Variants in SLC25A14 observed in about 807,000 individuals in gnomAD.
SLC25A14 encodes brain mitochondrial carrier protein 1.
A neutral mutation model predicts 28.1 loss-of-function variants in SLC25A14; 8 were observed. The ratio of observed to expected loss-of-function variants is 0.28; its 90% CI spans 0.17 to 0.51. SLC25A14 has a LOEUF of 0.51. SLC25A14 is among the 20% of genes least tolerant of loss of function. The pLI is 0.97. For missense variants in SLC25A14, 135 were observed against 263.8 expected (o/e 0.51, Z 3.38); for synonymous variants, 74 against 90.6 (o/e 0.82, Z 1.04).
chrX:130,344,858 T>C (rs2033380788), intron 2 of SLC25A14, among the ~76,000 whole-genome samples: 2 of 111,506 alleles, frequency 1.8e-5, no homozygotes, highest in Admixed American at 9.5e-5. Flanking sequence ...TCTAGTTGAA[T>C]GTCAAAGTTG....
chrX:130,365,480 T>C, intron 8 of SLC25A14, 61 bp from the exon 9 acceptor site: 2 of 1,199,114 alleles, frequency 1.7e-6, no homozygotes, highest in Non-Finnish European at 2.3e-6. Context: ...TTTGGCCTAA[T>C]TTCTGTTTAA....
chrX:130,363,618 GCCAAATT>G (rs1213309581), intron 7 of SLC25A14, among the ~76,000 whole-genome samples: 1 of 112,409 alleles, frequency 8.9e-6, no homozygotes, highest in African/African-American at 3.2e-5. Flanking sequence ...TTGAGGAAGT[GCCAAATT>G]GTTTTCCACA....
intron 9 of SLC25A14, among the ~76,000 whole-genome samples, chrX:130,368,717 T>C (rs1426151371): frequency 8.9e-6 from 1 of 112,264 alleles, no homozygotes. Flanking sequence ...AGATATTATC[T>C]TTCCCATTTT....
At chrX:130,366,594 C>T (rs2034123293) in intron 9 of SLC25A14, among the ~76,000 whole-genome samples, 2 of 112,471 alleles carry the variant, frequency 1.8e-5, no homozygotes, top group South Asian at 3.7e-4. Flanking sequence ...CTCAAACTGA[C>T]ATTTACCTCT....
At chrX:130,349,157 G>T in intron 4 of SLC25A14, 94 bp from the exon 5 acceptor site, 1 of 382,192 alleles carries the variant, frequency 2.6e-6, no homozygotes, top group Admixed American at 4.6e-5. Context: ...GCTGTTGTTG[G>T]GTAGAATGAG....
intron 9 of SLC25A14, 24 bp from the exon 10 acceptor site, chrX:130,371,540 T>C: frequency 8.7e-7 from 1 of 1,155,133 alleles, no homozygotes; most frequent in Non-Finnish European, 1.2e-6. Flanking sequence ...ATTCACTCTG[T>C]TTTTGGTTAT....
At chrX:130,360,334 G>C (rs2033931881) in intron 7 of SLC25A14, among the ~76,000 whole-genome samples, 1 of 110,628 alleles carries the variant, frequency 9.0e-6, no homozygotes, top group South Asian at 3.9e-4. Context: ...AACATTTTTG[G>C]TAAGGGTGCT....
intron 2 of SLC25A14, among the ~76,000 whole-genome samples, chrX:130,340,674 G>C: frequency 9.1e-6 from 1 of 110,263 alleles, no homozygotes; most frequent in East Asian, 2.9e-4. Context: ...GTCTTCATTG[G>C]GGAAGTCTAT....
intron 6 of SLC25A14, among the ~76,000 whole-genome samples, chrX:130,355,343 T>A (rs1044274635): frequency 2.7e-5 from 3 of 112,452 alleles, no homozygotes; most frequent in Non-Finnish European, 5.6e-5. Context: ...GTTGCCTCCA[T>A]TTTTATCTTT....
intron 6 of SLC25A14, among the ~76,000 whole-genome samples, chrX:130,351,581 T>C (rs2033623670): frequency 8.9e-6 from 1 of 112,034 alleles, no homozygotes; most frequent in African/African-American, 3.2e-5. Flanking sequence ...TTTAAGCTTA[T>C]GATTAGTTAA....
intron 6 of SLC25A14, among the ~76,000 whole-genome samples, chrX:130,354,179 T>C (rs916122698): frequency 3.7e-5 from 4 of 108,186 alleles, no homozygotes; most frequent in Non-Finnish European, 5.8e-5. Context: ...AGTGGCGCGA[T>C]CTCGGCTCAC....
At chrX:130,371,253 C>T (rs1349175227) in intron 9 of SLC25A14, among the ~76,000 whole-genome samples, 1 of 111,537 alleles carries the variant, frequency 9.0e-6, no homozygotes, top group Non-Finnish European at 1.9e-5. Context: ...GTGGAGGCTA[C>T]GCAAGGGTAC....
At chrX:130,352,709 GTCT>G (rs1448614857) in intron 6 of SLC25A14, among the ~76,000 whole-genome samples, 3 of 112,324 alleles carry the variant, frequency 2.7e-5, no homozygotes, top group Admixed American at 9.4e-5. Flanking sequence ...CTGCTTGTAT[GTCT>G]TCTTTTGAGA....
At chrX:130,365,211 C>T (rs921902556) in intron 8 of SLC25A14, 1 of 812,925 alleles carries the variant, frequency 1.2e-6, no homozygotes, top group Non-Finnish European at 1.5e-6. Flanking sequence ...AATTTTGTTA[C>T]TCAAATGCAT....
At position 130,340,363 on chromosome X, in the gene SLC25A14, C is replaced by T. The variant is rs1013016600; in HGVS notation, c.75+10C>T. 1.7e-6 allele frequency: 2 copies of T among 1,208,812 alleles called. No individual in the cohort carries two copies. The highest frequency in any genetic ancestry group is 1.8e-5 in the African/African-American group (1 of 57,096). On this transcript the variant is annotated intron_variant, in intron 2 of 10. Coordinates refer to ENST00000545805, the MANE Select transcript of SLC25A14 (RefSeq NM_001282195.2). ...CGTGATTGTAAGCGGAGTAAGCAAA[C>T]ACCTCCATTGTATTAGTGTAAGGGA...
chrX:130,365,122 G>A (rs1218896635), intron 8 of SLC25A14: 1 of 802,897 alleles, frequency 1.2e-6, no homozygotes, highest in African/African-American at 2.2e-5. Flanking sequence ...TAAGGTCTGT[G>A]AAACTAAAGC....
At chrX:130,360,948 C>G (rs925697675) in intron 7 of SLC25A14, among the ~76,000 whole-genome samples, 3 of 111,582 alleles carry the variant, frequency 2.7e-5, no homozygotes, top group African/African-American at 9.8e-5. Flanking sequence ...TTCTCCTTCC[C>G]CTAGCCCCTG....
intron 9 of SLC25A14, among the ~76,000 whole-genome samples, chrX:130,369,371 C>T (rs1227508143): frequency 3.6e-5 from 4 of 111,632 alleles, no homozygotes; most frequent in Admixed American, 1.9e-4. Flanking sequence ...CAAATACTTA[C>T]GGGAAAATTT....
chrX:130,372,465 T>TTA lies in SLC25A14; in HGVS notation c.937-443_937-442insAT, dbSNP rs778694782. ...GTGTTTTATTTATTTATTTATTTAT[T>TTA]TTTATTTTTTTTTTTGAGATGGAGT... On this transcript the variant is annotated intron_variant, in intron 10 of 10. Transcript: ENST00000545805. 5.1e-3 allele frequency among the ~76,000 whole-genome samples: 266 copies of TTA among 52,183 alleles called. 3 individuals are homozygous for TTA. The highest frequency in any genetic ancestry group is 0.01 in the Non-Finnish European group (195 of 18,797). 45.3% of individuals were successfully genotyped at this position (52,183 alleles called of 115,157 possible).
Sources: allele counts gnomAD v4.1 joint callset (sites outside exome capture counted in the v4.1 genomes callset), GRCh38; gene constraint gnomAD v4.1.1; transcripts MANE v1.5; gene names NCBI Gene and HGNC (gene_info 2026-07-23, HGNC 2026-07-21).